The following RBM3 variants were observed in gnomAD, a reference collection of about 807,000 sequenced individuals.
RBM3 encodes RNA-binding protein 3.
RBM3 carries 3 observed loss-of-function variants against 12.0 expected under a neutral mutation model. The ratio of observed to expected loss-of-function variants is 0.25; its 90% CI spans 0.11 to 0.65. RBM3 has a LOEUF of 0.65. Ranked by LOEUF, RBM3 falls within the 30% of genes least tolerant of loss-of-function variation. RBM3 has a pLI of 0.84. For missense variants in RBM3, 108 were observed against 134.5 expected, an observed-to-expected ratio of 0.80 and a Z score of 0.97; for synonymous variants, 58 against 45.7, an observed-to-expected ratio of 1.27 and a Z score of -1.08.
rs187523731 is a variant in RBM3, at chrX:48,580,008, G to A, written c.*2567G>A. On this transcript the variant is annotated 3_prime_UTR_variant, in exon 7 of 7. Coordinates refer to ENST00000376759, the MANE Select transcript of RBM3 (RefSeq NM_006743.5). ...GGTCTCCTACTTTGGTTTGTCTTCA[G>A]CATCCAACTGATGCACATTTGTCAA... 1 of 111,265 alleles carries A rather than the reference G, an allele frequency of 9.0e-6. No homozygotes were observed. Among genetic ancestry groups the A allele is most frequent in the Non-Finnish European group, 1.9e-5 (1 of 53,088 alleles). The allele number at this position is 111,265 out of a possible 1,213,427, so 9.2% of individuals were successfully genotyped here. A position where few individuals can be genotyped will look rare whatever the true frequency, so the allele number is the denominator to read the frequency against.
chrX:48,574,649 G>A (rs2062071408), intron 1 of RBM3, 76 bp downstream of exon 1: 2 of 330,677 alleles, frequency 6.0e-6, no homozygotes, highest in African/African-American at 2.6e-5. Context: ...GGGGAATAGC[G>A]AGTGGGGAGA....
Position 48,576,536 on chromosome X carries a change from C to T in RBM3, c.345C>T (p.Gly115=), listed in dbSNP as rs929143287. The change falls in exon 5 of 7, where the codon GGC becomes GGT. Residue 115 remains glycine, a synonymous_variant. Coordinates refer to ENST00000376759, the MANE Select transcript of RBM3 (RefSeq NM_006743.5). Reference sequence around the variant, plus strand: ...GTGGGGACCAGGGCTATGGGAGTGGCAGGTATTATGACAGTCGACCTGGAG... The same window carrying T: ...GTGGGGACCAGGGCTATGGGAGTGGTAGGTATTATGACAGTCGACCTGGAG... ...RGGGDQGYGS[G]RYYDSRPGGY... is the part of the protein sequence containing the mutation. The T allele has an allele frequency of 8.4e-7, 1 of 1,190,768 alleles. No homozygotes were observed. The highest frequency in any genetic ancestry group is 1.7e-5 in the African/African-American group (1 of 57,242).
At position 48,576,562 on chromosome X, in the gene RBM3, G is replaced by A. The variant is rs782281262; in HGVS notation, c.371G>A (p.Gly124Glu). 5 of 1,181,688 alleles carry A rather than the reference G, an allele frequency of 4.2e-6. No homozygotes were observed. Among genetic ancestry groups the A allele is most frequent in the East Asian group, 6.2e-5 (2 of 32,263 alleles). The change falls in exon 5 of 7, where the codon GGG (glycine) becomes GAG (glutamate). Residue 124 changes from glycine to glutamate, a missense_variant. Gly to Glu is a moderately conservative substitution (Grantham distance 98, BLOSUM62 -2). Coordinates refer to ENST00000376759, the MANE Select transcript of RBM3 (RefSeq NM_006743.5). ...SGRYYDSRPG[G>E]YGYGYGRSRD... ...AGGTATTATGACAGTCGACCTGGAGGGTATGGATATGGATATGGACGTTCC... is the reference window on the plus strand; with the variant it reads ...AGGTATTATGACAGTCGACCTGGAGAGTATGGATATGGATATGGACGTTCC...
At chrX:48,576,262 C>T (rs782694107) in intron 3 of RBM3, 52 bp from the exon 4 acceptor site, 1 of 1,178,954 alleles carries the variant, frequency 8.5e-7, no homozygotes. Flanking sequence ...TCTTCCCTCA[C>T]CATTGCCCTG....
In RBM3 at chrX:48,576,434, C is replaced by T. The variant is rs782019642; in HGVS notation, c.316+15C>T. On this transcript the variant is annotated intron_variant, in intron 4 of 6. Coordinates refer to ENST00000376759, the MANE Select transcript of RBM3 (RefSeq NM_006743.5). ...CTACTCTAGAGGTGAGTGCAGTGATCGTTTTGATCATGGGGTGAGAGGGAG... is the reference window on the plus strand; with the variant it reads ...CTACTCTAGAGGTGAGTGCAGTGATTGTTTTGATCATGGGGTGAGAGGGAG... 6.6e-6 allele frequency: 8 copies of T among 1,205,490 alleles called. No individual in the cohort carries two copies. Among genetic ancestry groups the T allele is most frequent in the Admixed American group, 6.6e-5 (3 of 45,363 alleles).
chrX:48,576,335 C>T lies in RBM3; in HGVS notation c.232C>T (p.Arg78Cys), dbSNP rs11537783. The T allele has an allele frequency of 3.3e-6, 4 of 1,210,830 alleles. No homozygotes were observed. The highest frequency in any genetic ancestry group is 4.5e-6 in the Non-Finnish European group (4 of 895,164). ...TTAGTCTCTGGATGGTCGTCAGATCCGTGTGGATCATGCAGGCAAGTCTGC... is the reference window on the plus strand; with the variant it reads ...TTAGTCTCTGGATGGTCGTCAGATCTGTGTGGATCATGCAGGCAAGTCTGC... ...NGESLDGRQI[R>C]VDHAGKSARG... Residue 78 changes from arginine (R) to cysteine (C), a missense_variant, in exon 4 of 7, where the codon CGT becomes TGT. Around this residue, in one of 2 missense-constraint regions of RBM3, gnomAD observed 43 missense variants for 79.6 expected, o/e 0.54. Transcript: ENST00000376759.
At position 48,580,431 on chromosome X, in the gene RBM3, C is replaced by G. The variant is rs782290691; in HGVS notation, c.*2990C>G. On this transcript the variant is annotated 3_prime_UTR_variant, in exon 7 of 7. Coordinates refer to ENST00000376759, the MANE Select transcript of RBM3 (RefSeq NM_006743.5). ...GTTTTTTTCCAGACAGGGTCTCACTCTGTCTCCCAGGCTGGAGTGCAGTGG... is the reference window on the plus strand; with the variant it reads ...GTTTTTTTCCAGACAGGGTCTCACTGTGTCTCCCAGGCTGGAGTGCAGTGG... Among the ~76,000 whole-genome samples, 8 of 111,494 alleles carry G rather than the reference C, an allele frequency of 7.2e-5. No individual in the cohort carries two copies. The highest frequency in any genetic ancestry group is 9.8e-5 in the African/African-American group (3 of 30,624).
chrX:48,575,473 T>C, intron 2 of RBM3, 88 bp from the exon 3 acceptor site: 2 of 886,026 alleles, frequency 2.3e-6, no homozygotes, highest in Non-Finnish European at 1.6e-6. Context: ...TCCCTACCTA[T>C]GCCATCTCCT....
At chrX:48,577,227 C>G in intron 6 of RBM3, 118 bp downstream of exon 6, 1 of 1,152,441 alleles carries the variant, frequency 8.7e-7, no homozygotes. Context: ...ACCCAGCCAA[C>G]CTACCAAACA....
rs2147211210 is a variant in RBM3 at position 48,580,722 on chromosome X, AC to A, written c.*3282del. 8.9e-6 allele frequency: 1 copy of A among 112,266 alleles called. No individual in the cohort carries two copies. The highest frequency in any genetic ancestry group is 1.9e-5 in the Non-Finnish European group (1 of 53,267). The allele number at this position is 112,266 out of a possible 1,213,427, so 9.3% of individuals were successfully genotyped here. A position where few individuals can be genotyped will look rare whatever the true frequency, so the allele number is the denominator to read the frequency against. On this transcript the variant is annotated 3_prime_UTR_variant, in exon 7 of 7. Transcript: ENST00000376759. ...GAGTTAAGAGTATTAAATGTTAAGA[AC>A]AGACCAAGTCCATCAAACAGCTCCA...
Position 48,579,795 on chromosome X carries a change from A to G in RBM3, c.*2354A>G, listed in dbSNP as rs2062095343. On this transcript the variant is annotated 3_prime_UTR_variant, in exon 7 of 7. Coordinates refer to ENST00000376759, the MANE Select transcript of RBM3 (RefSeq NM_006743.5). ...AAGACCAAAATTTATTTGTATAACA[A>G]CTCTAAACCTGCTCTGCTCTGCTGT... The G allele has an allele frequency of 9.0e-6, 1 of 110,631 alleles. No homozygotes were observed. Among genetic ancestry groups the G allele is most frequent in the Non-Finnish European group, 1.9e-5 (1 of 52,816 alleles). The allele number at this position is 110,631 out of a possible 1,213,427, so 9.1% of individuals were successfully genotyped here.
chrX:48,577,002 T>G (rs199510115), intron 5 of RBM3, 24 bp from the exon 6 acceptor site: 8 of 1,204,950 alleles, frequency 6.6e-6, no homozygotes, highest in Middle Eastern at 2.3e-4. Flanking sequence ...CAGAAAACTT[T>G]TGTGTGTTTT....
intron 3 of RBM3, chrX:48,575,955 G>A (rs2062078143): frequency 3.2e-6 from 2 of 619,274 alleles, no homozygotes; most frequent in Non-Finnish European, 4.8e-6. Context: ...GGCCTGGCCC[G>A]GAGAGGACCT....
In RBM3 at chrX:48,577,127, G is replaced by A; in HGVS notation, c.*23+18G>A. On this transcript the variant is annotated intron_variant, in intron 6 of 6. Transcript: ENST00000376759. ...TAATATAGGTGAGACTTGGATATCG[G>A]CATTGAGTGAACCTGTTTGTCACAC... is the stretch of plus-strand genomic sequence containing the variant. The A allele has an allele frequency of 1.7e-6, 2 of 1,209,805 alleles. No individual in the cohort carries two copies. The highest frequency in any genetic ancestry group is 3.0e-5 in the East Asian group (1 of 33,203).
rs1366297886 is a variant in RBM3, at chrX:48,577,529, T to G, written c.*88T>G. Reference sequence around the variant, plus strand: ...AAATGGCTGTATTTATAAAGGTTTTTGGAGCTGCACCGAAGCATCTTATTT... The same window carrying G: ...AAATGGCTGTATTTATAAAGGTTTTGGGAGCTGCACCGAAGCATCTTATTT... On this transcript the variant is annotated 3_prime_UTR_variant, in exon 7 of 7. Coordinates refer to ENST00000376759, the MANE Select transcript of RBM3 (RefSeq NM_006743.5). 3.0e-6 allele frequency: 3 copies of G among 1,002,585 alleles called. No homozygotes were observed. Among genetic ancestry groups the G allele is most frequent in the Non-Finnish European group, 3.9e-6 (3 of 766,753 alleles). The allele number at this position is 1,002,585 out of a possible 1,213,427, so 82.6% of individuals were successfully genotyped here.
At position 48,576,424 on chromosome X, in the gene RBM3, G is replaced by A. The variant is rs782114329; in HGVS notation, c.316+5G>A. The A allele has an allele frequency of 3.4e-5, 41 of 1,205,741 alleles. No individual in the cohort carries two copies. The highest frequency in any genetic ancestry group is 4.4e-5 in the Non-Finnish European group (39 of 893,381). The stretch of plus-strand genomic sequence containing the variant: ...GTGGTCGCAGCTACTCTAGAGGTGA[G>A]TGCAGTGATCGTTTTGATCATGGGG... On this transcript the variant is annotated splice_donor_5th_base_variant and intron_variant, in intron 4 of 6. Coordinates refer to ENST00000376759, the MANE Select transcript of RBM3 (RefSeq NM_006743.5).
chrX:48,578,614 A>AT lies in RBM3; in HGVS notation c.*1174dup, dbSNP rs2062091195. 1 of 110,390 alleles carries AT rather than the reference A, an allele frequency of 9.1e-6. No individual in the cohort carries two copies. The highest frequency in any genetic ancestry group is 3.3e-5 in the African/African-American group (1 of 30,477). 9.1% of individuals were successfully genotyped at this position (110,390 alleles called of 1,213,427 possible). Reference sequence around the variant, plus strand: ...CATCAACGAGAGGGAGGCTTGGAGAATATTTGGTTGGTGGGTGGGCAGGGA... The same window carrying AT: ...CATCAACGAGAGGGAGGCTTGGAGAATTATTTGGTTGGTGGGTGGGCAGGGA... On this transcript the variant is annotated 3_prime_UTR_variant, in exon 7 of 7. Coordinates refer to ENST00000376759, the MANE Select transcript of RBM3 (RefSeq NM_006743.5).
rs1477653957 is a variant in RBM3 at position 48,575,288 on chromosome X, GACGGGCCATACTC to G, written c.103+8_103+20del. 8.5e-7 allele frequency: 1 copy of G among 1,182,753 alleles called. No homozygotes were observed. Among genetic ancestry groups the G allele is most frequent in the African/African-American group, 1.8e-5 (1 of 56,517 alleles). The stretch of plus-strand genomic sequence containing the variant: ...GTTTCGGACCTATCTCTGAGGGTGA[GACGGGCCATACTC>G]ACAATGGGGGTTGGTGAGAGAAAGT... On this transcript the variant is annotated splice_donor_region_variant and intron_variant, in intron 2 of 6. Transcript: ENST00000376759.
In RBM3 at chrX:48,575,323, A is replaced by G. The variant is rs1556989004; in HGVS notation, c.103+40A>G. The G allele has an allele frequency of 4.5e-6, 5 of 1,105,543 alleles. No homozygotes were observed. The East Asian group carries it at 1.5e-4, about 34-fold the overall frequency. 91.1% of individuals were successfully genotyped at this position (1,105,543 alleles called of 1,213,427 possible). Reference sequence around the variant, plus strand: ...ACTCACAATGGGGGTTGGTGAGAGAAAGTCTGGGATCCTTGCATTTCAAGG... The same window carrying G: ...ACTCACAATGGGGGTTGGTGAGAGAGAGTCTGGGATCCTTGCATTTCAAGG... On this transcript the variant is annotated intron_variant, in intron 2 of 6. Transcript: ENST00000376759.
Sources: gnomAD v4.1 joint callset for allele counts (sites outside exome capture counted in the v4.1 genomes callset) on GRCh38, gnomAD v4.1.1 for gene constraint, gnomAD v4.1.1 regional missense constraint, MANE v1.5 for transcripts, NCBI Gene and HGNC (gene_info 2026-07-23, HGNC 2026-07-21) for gene names.